The following LY6S variants were observed in gnomAD, a reference collection of about 807,000 sequenced individuals.
LY6S encodes lymphocyte antigen 6 family member S.
chr8:143,047,417 C>T, the LY6S span, among the ~76,000 whole-genome samples: 1 of 152,242 alleles, frequency 6.6e-6, no homozygotes, highest in African/African-American at 2.4e-5. Context: ...GCTGGGATTA[C>T]AGGCATGAGA....
At chr8:143,049,483 CG>C in the LY6S span, among the ~76,000 whole-genome samples, 2 of 152,164 alleles carry the variant, frequency 1.3e-5, no homozygotes, top group Non-Finnish European at 2.9e-5. Flanking sequence ...GGCCTTACAA[CG>C]GAACCCGGCT....
the LY6S span, among the ~76,000 whole-genome samples, chr8:143,046,522 G>A: frequency 6.6e-6 from 1 of 150,404 alleles, no homozygotes; most frequent in East Asian, 2.0e-4. Flanking sequence ...AGCTTGCAGT[G>A]AGATGAGATT....
chr8:143,042,906 G>A, the LY6S span: 2 of 904,642 alleles, frequency 2.2e-6, no homozygotes, highest in Non-Finnish European at 3.3e-6. Flanking sequence ...ATGGGCTGGA[G>A]GGCCTGGGCC....
the LY6S span, among the ~76,000 whole-genome samples, chr8:143,064,983 C>G: frequency 6.6e-6 from 1 of 152,182 alleles, no homozygotes; most frequent in East Asian, 1.9e-4. Context: ...GTAAATAATT[C>G]AGCCATCTTT....
chr8:143,074,206 A>C, the LY6S span, among the ~76,000 whole-genome samples: 1 of 152,200 alleles, frequency 6.6e-6, no homozygotes, highest in Non-Finnish European at 1.5e-5. Flanking sequence ...GCTATTATCC[A>C]TCAAAATAAT....
chr8:143,044,973 A>G, the LY6S span, among the ~76,000 whole-genome samples: 1 of 152,120 alleles, frequency 6.6e-6, no homozygotes. Flanking sequence ...GCAGCCTGCA[A>G]CTGGTGGCCT....
At chr8:143,073,850 T>G in the LY6S span, among the ~76,000 whole-genome samples, 4 of 143,224 alleles carry the variant, frequency 2.8e-5, no homozygotes, top group East Asian at 8.7e-4. Context: ...CCGGGGTCCC[T>G]GTTTGAGGAG....
the LY6S span, among the ~76,000 whole-genome samples, chr8:143,052,280 C>CA: frequency 1.2e-3 from 177 of 144,814 alleles, 1 homozygote; most frequent in African/African-American, 3.2e-3. Flanking sequence ...GACTCCGTCT[C>CA]AAAAAAAAAA....
the LY6S span, among the ~76,000 whole-genome samples, chr8:143,070,459 T>A: frequency 2.2e-5 from 1 of 46,262 alleles, no homozygotes; most frequent in Non-Finnish European, 4.1e-5. Flanking sequence ...TATATATATA[T>A]ATATAATATA....
At chr8:143,055,683 G>A in the LY6S span, among the ~76,000 whole-genome samples, 1,235 of 152,170 alleles carry the variant, frequency 8.1e-3, 13 homozygotes, top group African/African-American at 0.028. Flanking sequence ...CAGCTTGTAC[G>A]AGCGCTTGTT....
the LY6S span, among the ~76,000 whole-genome samples, chr8:143,043,921 C>T: frequency 7.7e-3 from 1,166 of 152,332 alleles, 10 homozygotes; most frequent in African/African-American, 0.026. Flanking sequence ...GTGATCCCCC[C>T]GCCTTGGCCT....
At chr8:143,046,974 C>G in the LY6S span, among the ~76,000 whole-genome samples, 205 of 152,064 alleles carry the variant, frequency 1.3e-3, 1 homozygote, top group African/African-American at 4.7e-3. Context: ...GTACTCCAGC[C>G]TGGGTGACAA....
At chr8:143,045,356 G>A in the LY6S span, among the ~76,000 whole-genome samples, 8 of 152,086 alleles carry the variant, frequency 5.3e-5, no homozygotes, top group Non-Finnish European at 2.9e-5. The surrounding 1 kb of genome is among the most constrained non-coding windows in gnomAD (Gnocchi z 5.3). Flanking sequence ...CTCATTCCAG[G>A]GTGCTAGTGC....
chr8:143,050,468 A>T, the LY6S span, among the ~76,000 whole-genome samples: 1 of 151,992 alleles, frequency 6.6e-6, no homozygotes, highest in Admixed American at 6.6e-5. Context: ...GGAGTGAGCC[A>T]GCTTGCCCGG....
chr8:143,048,745 C>T, the LY6S span, among the ~76,000 whole-genome samples: 1 of 152,196 alleles, frequency 6.6e-6, no homozygotes, highest in African/African-American at 2.4e-5. Context: ...GTTGGGATTA[C>T]AGGTGTGAGC....
At chr8:143,043,057 C>T in the LY6S span, 17 of 1,367,738 alleles carry the variant, frequency 1.2e-5, no homozygotes, top group Non-Finnish European at 1.7e-5. Context: ...CTCTTCAAAA[C>T]CAAGCAGCTG....
the LY6S span, among the ~76,000 whole-genome samples, chr8:143,073,628 C>T: frequency 4.5e-5 from 6 of 134,482 alleles, no homozygotes; most frequent in Non-Finnish European, 9.2e-5. Flanking sequence ...AGGAGACAGC[C>T]GTCATCCCCG....
At chr8:143,071,512 C>CCA in the LY6S span, among the ~76,000 whole-genome samples, 1 of 152,128 alleles carries the variant, frequency 6.6e-6, no homozygotes, top group South Asian at 2.1e-4. Context: ...ATCCATTGTA[C>CCA]CACATGAATG....
At chr8:143,060,973 G>A in the LY6S span, among the ~76,000 whole-genome samples, 1 of 126,602 alleles carries the variant, frequency 7.9e-6, no homozygotes, top group African/African-American at 3.8e-5. Context: ...TAAAGGAAAA[G>A]AAAGATAGGA....
Sources: allele counts gnomAD v4.1 joint callset (sites outside exome capture counted in the v4.1 genomes callset), GRCh38; gene constraint gnomAD v4.1.1; non-coding constraint Gnocchi (gnomAD v3.1); transcripts MANE v1.5; gene names NCBI Gene and HGNC (gene_info 2026-07-23, HGNC 2026-07-21).